Variants in RCAN3 observed in about 807,000 individuals in gnomAD.
RCAN3 encodes regulator of calcineurin 3, also known as calcipressin-3.
A neutral mutation model predicts 21.9 loss-of-function variants in RCAN3; 19 were observed. The observed-to-expected ratio is 0.87, with a 90% CI of 0.61 to 1.27. The LOEUF is 1.27. Among genes scored for constraint, RCAN3 ranks in the 50% most tolerant of loss-of-function variants. The pLI, the probability that RCAN3 is intolerant of heterozygous loss-of-function variation, is 0.00. For synonymous variants in RCAN3, 114 were observed against 112.3 expected (o/e 1.01, Z -0.09); for missense variants, 240 against 300.1 (o/e 0.80, Z 1.48).
chr1:24,517,184 G>A lies in RCAN3; in HGVS notation c.195+2617G>A, dbSNP rs140240850. 3.9e-3 allele frequency among the ~76,000 whole-genome samples: 589 copies of A among 151,262 alleles called. 3 individuals are homozygous for A. The highest frequency in any genetic ancestry group is 0.011 in the African/African-American group (458 of 41,198). On this transcript the variant is annotated intron_variant, in intron 2 of 4. Transcript: ENST00000374395. Reference sequence around the variant, plus strand: ...GGCTGGAGTGCAATGGCGCAGTCTCGGCTCACTGCAACCTCCGCCTCCCAG... The same window carrying A: ...GGCTGGAGTGCAATGGCGCAGTCTCAGCTCACTGCAACCTCCGCCTCCCAG...
At chr1:24,514,153 A>C (rs1453398218) in intron 1 of RCAN3, among the ~76,000 whole-genome samples, 161 bp from the exon 2 acceptor site, 1 of 152,246 alleles carries the variant, frequency 6.6e-6, no homozygotes, top group Non-Finnish European at 1.5e-5. Flanking sequence ...TAGCGTATCT[A>C]GAATTCACTT....
chr1:24,521,379 C>T (rs1372343930), intron 2 of RCAN3, among the ~76,000 whole-genome samples: 4 of 151,954 alleles, frequency 2.6e-5, no homozygotes, highest in African/African-American at 4.8e-5. Context: ...AGCCTGGAAA[C>T]GTAGTGAGAC....
intron 2 of RCAN3, among the ~76,000 whole-genome samples, chr1:24,518,044 G>T (rs1159977931): frequency 6.6e-6 from 1 of 151,970 alleles, no homozygotes; most frequent in African/African-American, 2.4e-5. Context: ...ATAATTTCTG[G>T]CTGGGCACAT....
intron 2 of RCAN3, among the ~76,000 whole-genome samples, chr1:24,514,847 TA>T (rs779067836): frequency 4.0e-5 from 6 of 151,854 alleles, no homozygotes; most frequent in Non-Finnish European, 7.4e-5. Context: ...TGCGCGCCTG[TA>T]ATCCCAGCTA....
Position 24,535,640 on chromosome 1 carries a change from A to G in RCAN3, c.*363A>G, listed in dbSNP as rs564119166. On this transcript the variant is annotated 3_prime_UTR_variant, in exon 5 of 5. Coordinates refer to ENST00000374395, the MANE Select transcript of RCAN3 (RefSeq NM_013441.4). ...CACCAAAAACTGGAAATGTAGTCAC[A>G]CCCAGTACAGTACCATTTTTATGAA... The G allele has an allele frequency of 6.6e-5, 14 of 210,720 alleles. No homozygotes were observed. The South Asian group carries it at 2.6e-3, about 39-fold the overall frequency. The allele number at this position is 210,720 out of a possible 1,614,324, so 13.1% of individuals were successfully genotyped here.
rs543657600 is a variant in RCAN3 at position 24,503,437 on chromosome 1, A to G, written c.-60+287A>G. Among the ~76,000 whole-genome samples, 116 of 152,156 alleles carry G rather than the reference A, an allele frequency of 7.6e-4. 1 individual carries two copies. The highest frequency in any genetic ancestry group is 3.2e-3 in the Middle Eastern group (1 of 316). On this transcript the variant is annotated intron_variant, in intron 1 of 4. Coordinates refer to ENST00000374395, the MANE Select transcript of RCAN3 (RefSeq NM_013441.4). Reference sequence around the variant, plus strand: ...TCTTCTCCACCAACGATTTTCTCCCACCAAGTGTGTTTGACCTTTTGAAAA... The same window carrying G: ...TCTTCTCCACCAACGATTTTCTCCCGCCAAGTGTGTTTGACCTTTTGAAAA...
intron 4 of RCAN3, among the ~76,000 whole-genome samples, chr1:24,534,807 A>AAATT (rs1012057465): frequency 2.0e-5 from 3 of 152,134 alleles, no homozygotes; most frequent in Non-Finnish European, 4.4e-5. Context: ...TCAAATAAAT[A>AAATT]AATTAATTAA....
chr1:24,505,784 T>C (rs1184722366), intron 1 of RCAN3, among the ~76,000 whole-genome samples: 2 of 152,198 alleles, frequency 1.3e-5, no homozygotes, highest in Admixed American at 6.5e-5. Context: ...AAGTGAAAAG[T>C]ACATCTAGCT....
chr1:24,509,547 A>G (rs1647718914), intron 1 of RCAN3, among the ~76,000 whole-genome samples: 6 of 152,190 alleles, frequency 3.9e-5, no homozygotes, highest in Admixed American at 3.9e-4. Context: ...ACTCCCTTCC[A>G]TTCAGGTTTT....
rs1200083429 is a variant in RCAN3 at position 24,535,429 on chromosome 1, C to T, written c.*152C>T. The T allele has an allele frequency of 5.7e-6, 4 of 700,544 alleles. No homozygotes were observed. Among genetic ancestry groups the T allele is most frequent in the Admixed American group, 4.3e-5 (1 of 23,368 alleles). The allele number at this position is 700,544 out of a possible 1,614,324, so 43.4% of individuals were successfully genotyped here. On this transcript the variant is annotated 3_prime_UTR_variant, in exon 5 of 5. Coordinates refer to ENST00000374395, the MANE Select transcript of RCAN3 (RefSeq NM_013441.4). ...ACCACGCCTGTACTGCAGACACGGT[C>T]GTGTAGAGTAGCAGCTGATTTGACC...
In RCAN3 at chr1:24,540,608, C is replaced by T. The variant is rs1481373425; in HGVS notation, c.*5331C>T. Reference sequence around the variant, plus strand: ...TCAACCCCACGTGATTGTTGATTGACGGTTCTGCTATAATGTGCGTGCCCT... The same window carrying T: ...TCAACCCCACGTGATTGTTGATTGATGGTTCTGCTATAATGTGCGTGCCCT... On this transcript the variant is annotated 3_prime_UTR_variant, in exon 5 of 5. Coordinates refer to ENST00000374395, the MANE Select transcript of RCAN3 (RefSeq NM_013441.4). The T allele has an allele frequency of 2.6e-5, 4 of 152,170 alleles. No individual in the cohort carries two copies. The highest frequency in any genetic ancestry group is 6.5e-5 in the Admixed American group (1 of 15,272). The allele number at this position is 152,170 out of a possible 1,614,324, so 9.4% of individuals were successfully genotyped here.
upstream of RCAN3, chr1:24,502,821 T>A (rs1647198534): frequency 6.7e-6 from 1 of 149,968 alleles, no homozygotes; most frequent in South Asian, 2.1e-4. Context: ...TGCGCCGCCG[T>A]GCGCGCGCCC....
In RCAN3 at chr1:24,535,345, C is replaced by G; in HGVS notation, c.*68C>G. ...GGCCATGGCGCTCTGTGCCTGCGGCCGATGCGTTGCTGCGAACAGCATAGG... is the reference window on the plus strand; with the variant it reads ...GGCCATGGCGCTCTGTGCCTGCGGCGGATGCGTTGCTGCGAACAGCATAGG... On this transcript the variant is annotated 3_prime_UTR_variant, in exon 5 of 5. Coordinates refer to ENST00000374395, the MANE Select transcript of RCAN3 (RefSeq NM_013441.4). 6.8e-7 allele frequency: 1 copy of G among 1,468,100 alleles called. No individual in the cohort carries two copies. Among genetic ancestry groups the G allele is most frequent in the Non-Finnish European group, 9.0e-7 (1 of 1,111,014 alleles). 90.9% of individuals were successfully genotyped at this position (1,468,100 alleles called of 1,614,324 possible). A position where few individuals can be genotyped will look rare whatever the true frequency, so the allele number is the denominator to read the frequency against.
intron 2 of RCAN3, among the ~76,000 whole-genome samples, chr1:24,519,213 ATGT>A (rs929399948): frequency 4.1e-5 from 5 of 120,872 alleles, no homozygotes; most frequent in African/African-American, 2.1e-4. Context: ...GCCTGGCCTG[ATGT>A]TTTTTTTTTT....
At chr1:24,534,500 G>A (rs776868624) in intron 4 of RCAN3, among the ~76,000 whole-genome samples, 5 of 152,100 alleles carry the variant, frequency 3.3e-5, no homozygotes, top group Non-Finnish European at 7.3e-5. Flanking sequence ...CCAGCTACTC[G>A]GGAGGCTGAG....
intron 1 of RCAN3, among the ~76,000 whole-genome samples, chr1:24,505,798 A>T (rs1463736085): frequency 6.6e-6 from 1 of 152,228 alleles, no homozygotes; most frequent in Non-Finnish European, 1.5e-5. Flanking sequence ...TCTAGCTAAG[A>T]TACTGAAATG....
At chr1:24,502,725 C>T (rs1462163148), upstream of RCAN3, among the ~76,000 whole-genome samples, 1 of 151,474 alleles carries the variant, frequency 6.6e-6, no homozygotes, top group East Asian at 2.0e-4. Context: ...GGAGGGCGCG[C>T]GCGGCGAGAC....
At chr1:24,524,998 A>AT (rs200979178) in intron 2 of RCAN3, among the ~76,000 whole-genome samples, 174 of 147,606 alleles carry the variant, frequency 1.2e-3, no homozygotes, top group African/African-American at 4.2e-3. Flanking sequence ...TGGGCTCCTC[A>AT]TTTTTTTTTC....
chr1:24,520,817 A>C (rs1217966623), intron 2 of RCAN3, among the ~76,000 whole-genome samples: 1 of 152,056 alleles, frequency 6.6e-6, no homozygotes, highest in African/African-American at 2.4e-5. Flanking sequence ...ATGTACCCTA[A>C]AACTTAAAGT....
Sources: gnomAD v4.1 joint callset for allele counts (sites outside exome capture counted in the v4.1 genomes callset) on GRCh38, gnomAD v4.1.1 for gene constraint, MANE v1.5 for transcripts, NCBI Gene and HGNC (gene_info 2026-07-23, HGNC 2026-07-21) for gene names.